CDKL5: variants seen among roughly 807,000 people sequenced by gnomAD.
CDKL5 encodes cyclin-dependent kinase-like 5.
In CDKL5, 8 loss-of-function variants were observed where a neutral mutation model predicts 61.7. That is an observed-to-expected ratio of 0.13 (90% confidence interval 0.08 to 0.23). The LOEUF is 0.23. CDKL5 is among the 10% of genes least tolerant of loss of function. The pLI is 1.00. For synonymous variants in CDKL5, 275 were observed against 272.3 expected (o/e 1.01, Z -0.10); for missense variants, 440 against 734.5 (o/e 0.60, Z 4.63).
At chrX:18,623,672 G>A (rs752092421) in intron 16 of CDKL5, among the ~76,000 whole-genome samples, 1 of 111,137 alleles carries the variant, frequency 9.0e-6, no homozygotes, top group African/African-American at 3.3e-5. Flanking sequence ...TATATACTTA[G>A]AAGAAGTTTG....
At chrX:18,444,342 G>A (rs1274940583) in intron 1 of CDKL5, among the ~76,000 whole-genome samples, 1 of 111,005 alleles carries the variant, frequency 9.0e-6, no homozygotes, top group Admixed American at 9.7e-5. Flanking sequence ...TCTATCATAC[G>A]ATTCACTAAT....
intron 1 of CDKL5, among the ~76,000 whole-genome samples, chrX:18,504,910 G>A (rs1439226433): frequency 9.6e-6 from 1 of 104,538 alleles, no homozygotes; most frequent in Non-Finnish European, 2.0e-5. Flanking sequence ...TCCAGCCTGG[G>A]CGACAGAGCG....
intron 17 of CDKL5, among the ~76,000 whole-genome samples, chrX:18,626,480 T>C (rs1443826533): frequency 9.1e-6 from 1 of 110,291 alleles, no homozygotes; most frequent in Non-Finnish European, 1.9e-5. Context: ...TAACATAATA[T>C]AAGCTGGGGA....
chrX:18,606,880 C>G (rs988905117), intron 12 of CDKL5, among the ~76,000 whole-genome samples: 3 of 112,013 alleles, frequency 2.7e-5, no homozygotes, highest in African/African-American at 9.7e-5. Flanking sequence ...GGATCTTCTA[C>G]TCCTCAGAAG....
chrX:18,517,984 G>T (rs895278844), intron 3 of CDKL5, among the ~76,000 whole-genome samples: 1 of 111,539 alleles, frequency 9.0e-6, no homozygotes, highest in South Asian at 3.7e-4. Context: ...CAGCCTGCGC[G>T]ACAGAGCAAG....
In CDKL5 at chrX:18,437,291, C is replaced by A. The variant is rs1422310669; in HGVS notation, c.-163+11596C>A. On this transcript the variant is annotated intron_variant, in intron 1 of 17. Transcript: ENST00000623535. ...AATTCCCTTTAATTTTCTAAAGGTA[C>A]CTTTTCTTTTATCCCTCACTGTTCT... Among the ~76,000 whole-genome samples the A allele has an allele frequency of 3.6e-5, 4 of 111,580 alleles. No individual in the cohort carries two copies. In the Admixed American group the frequency reaches 3.9e-4, roughly 11 times the overall value.
intron 8 of CDKL5, among the ~76,000 whole-genome samples, chrX:18,585,409 A>G (rs1315203221): frequency 1.8e-5 from 2 of 110,028 alleles, no homozygotes; most frequent in East Asian, 5.7e-4. Context: ...ACACAAAAAA[A>G]CCCCAAAAAA....
At chrX:18,492,150 G>A (rs1922015983) in intron 1 of CDKL5, among the ~76,000 whole-genome samples, 1 of 111,056 alleles carries the variant, frequency 9.0e-6, no homozygotes, top group Non-Finnish European at 1.9e-5. Flanking sequence ...TCATCAGCAT[G>A]GTATGTTATT....
intron 1 of CDKL5, among the ~76,000 whole-genome samples, chrX:18,461,949 AG>A (rs2147646840): frequency 9.0e-6 from 1 of 111,533 alleles, no homozygotes; most frequent in African/African-American, 3.2e-5. Flanking sequence ...GGTTGCAGAG[AG>A]GGGAAGGTAT....
In CDKL5 at chrX:18,507,019, G is replaced by A; in HGVS notation, c.-78G>A. On this transcript the variant is annotated 5_prime_UTR_variant, in exon 2 of 18. Coordinates refer to ENST00000623535, the MANE Select transcript of CDKL5 (RefSeq NM_001323289.2). Reference sequence around the variant, plus strand: ...GAATTTCTTCCTTCAGACGGTTTTGGATCTTACTGCACAGCTTTCTGAGAA... The same window carrying A: ...GAATTTCTTCCTTCAGACGGTTTTGAATCTTACTGCACAGCTTTCTGAGAA... 1 of 736,127 alleles carries A rather than the reference G, an allele frequency of 1.4e-6. No homozygotes were observed. The highest frequency in any genetic ancestry group is 2.2e-6 in the Non-Finnish European group (1 of 463,384). The allele number at this position is 736,127 out of a possible 1,213,427, so 60.7% of individuals were successfully genotyped here.
In CDKL5 at chrX:18,470,775, A is replaced by G. The variant is rs141814486; in HGVS notation, c.-162-36160A>G. On this transcript the variant is annotated intron_variant, in intron 1 of 17. Transcript: ENST00000623535. ...AAGAAGCCAAATGTGTACAGTCACCAAAGTAGGCATGCAGAAAGGCTTTTT... is the reference window on the plus strand; with the variant it reads ...AAGAAGCCAAATGTGTACAGTCACCGAAGTAGGCATGCAGAAAGGCTTTTT... Among the ~76,000 whole-genome samples, 941 of 112,300 alleles carry G rather than the reference A, an allele frequency of 8.4e-3. 10 individuals carry two copies. The highest frequency in any genetic ancestry group is 0.028 in the African/African-American group (875 of 30,982).
intron 3 of CDKL5, chrX:18,535,932 A>G (rs1477025340): frequency 8.9e-6 from 1 of 112,144 alleles, no homozygotes; most frequent in Admixed American, 9.5e-5. Context: ...ACAACAAGGA[A>G]GTGAGCAAAA....
intron 1 of CDKL5, among the ~76,000 whole-genome samples, chrX:18,433,903 A>G (rs1433006776): frequency 8.9e-6 from 1 of 112,453 alleles, no homozygotes; most frequent in Non-Finnish European, 1.9e-5. Context: ...TTGGACCTCT[A>G]ATCCCCCTTG....
intron 14 of CDKL5, 55 bp from the exon 15 acceptor site, chrX:18,613,093 TAAAA>T (rs368997720): frequency 5.7e-4 from 435 of 762,943 alleles, no homozygotes; most frequent in Non-Finnish European, 6.6e-4. Context: ...AGACTCTGTC[TAAAA>T]AAAAAAAAAA....
chrX:18,604,069 A>G lies in CDKL5; in HGVS notation c.1145A>G (p.Lys382Arg). ...GCTAGTCTTAGTCCACTGCACACCA[A>G]AACCTACCAAGCAAGCAGCCAGCCT... ...AGASLSPLHT[K>R]TYQASSQPGS... The change falls in exon 12 of 18, where the codon AAA becomes AGA. Residue 382 changes from lysine (K) to arginine (R), a missense_variant. Transcript: ENST00000623535. 1 of 1,211,354 alleles carries G rather than the reference A, an allele frequency of 8.3e-7. No homozygotes were observed. The highest frequency in any genetic ancestry group is 1.1e-6 in the Non-Finnish European group (1 of 895,333).
At chrX:18,545,884 G>A (rs1469498194) in intron 3 of CDKL5, among the ~76,000 whole-genome samples, 1 of 111,896 alleles carries the variant, frequency 8.9e-6, no homozygotes, top group African/African-American at 3.3e-5. Context: ...ACATTTTGTT[G>A]ATATAATAAG....
At chrX:18,525,153 G>A (rs1036063315) in intron 3 of CDKL5, among the ~76,000 whole-genome samples, 3 of 111,617 alleles carry the variant, frequency 2.7e-5, no homozygotes, top group African/African-American at 9.8e-5. Context: ...AGGCTGGAGT[G>A]CAGTGGCGCA....
intron 1 of CDKL5, among the ~76,000 whole-genome samples, chrX:18,495,370 T>C (rs1334513625): frequency 8.9e-6 from 1 of 112,621 alleles, no homozygotes; most frequent in Non-Finnish European, 1.9e-5. Flanking sequence ...TACGTTTCTG[T>C]CAGTTCTTTA....
At chrX:18,538,118 T>C (rs1923905402) in intron 3 of CDKL5, among the ~76,000 whole-genome samples, 1 of 112,226 alleles carries the variant, frequency 8.9e-6, no homozygotes, top group Non-Finnish European at 1.9e-5. Context: ...ATCACTATTA[T>C]TATTTTTATG....
Sources: gnomAD v4.1 joint callset for allele counts (sites outside exome capture counted in the v4.1 genomes callset) on GRCh38, gnomAD v4.1.1 for gene constraint, MANE v1.5 for transcripts, NCBI Gene and HGNC (gene_info 2026-07-23, HGNC 2026-07-21) for gene names.